SMYD3: variants seen among roughly 807,000 people sequenced by gnomAD.
SMYD3 encodes SET and MYND domain containing 3.
A neutral mutation model predicts 57.7 loss-of-function variants in SMYD3; 36 were observed. The ratio of observed to expected loss-of-function variants is 0.62; its 90% confidence interval spans 0.48 to 0.82. SMYD3 has a LOEUF of 0.82. Ranked by LOEUF, SMYD3 falls within the 40% of genes least tolerant of loss-of-function variation. The pLI, the probability that SMYD3 is intolerant of heterozygous loss-of-function variation, is 0.00. For missense variants in SMYD3, 515 were observed against 538.8 expected (o/e 0.96, Z 0.44); for synonymous variants, 211 against 195.0 (o/e 1.08, Z -0.68).
At chr1:246,352,397 G>A (rs932392186) in intron 2 of SMYD3, among the ~76,000 whole-genome samples, 3 of 152,076 alleles carry the variant, frequency 2.0e-5, no homozygotes, top group South Asian at 4.2e-4. Flanking sequence ...GTGCTTTTGC[G>A]TTCTGTTCAT....
chr1:246,326,166 A>G (rs893595578), intron 5 of SMYD3: 1 of 400,996 alleles, frequency 2.5e-6, no homozygotes, highest in Non-Finnish European at 4.4e-6. Flanking sequence ...ATGCCTTAAA[A>G]TATTAATGGC....
At chr1:245,920,284 G>A (rs565935193) in intron 7 of SMYD3, among the ~76,000 whole-genome samples, 13 of 131,020 alleles carry the variant, frequency 9.9e-5, no homozygotes, top group Non-Finnish European at 2.0e-4. Context: ...CTGCACTCCA[G>A]CCTGGGCGAC....
At chr1:245,864,871 A>G (rs1292056219) in intron 8 of SMYD3, among the ~76,000 whole-genome samples, 5 of 152,202 alleles carry the variant, frequency 3.3e-5, no homozygotes, top group African/African-American at 9.6e-5. Context: ...ATAAAGTACA[A>G]CTACACCCAT....
At chr1:246,085,924 T>C (rs764267044) in intron 5 of SMYD3, among the ~76,000 whole-genome samples, 4 of 151,980 alleles carry the variant, frequency 2.6e-5, no homozygotes, top group African/African-American at 4.8e-5. Context: ...TATTTTTCCT[T>C]GGTGAAACAA....
At chr1:245,963,805 T>C (rs998121769) in intron 5 of SMYD3, among the ~76,000 whole-genome samples, 3 of 152,106 alleles carry the variant, frequency 2.0e-5, no homozygotes, top group Non-Finnish European at 4.4e-5. Context: ...CCAACTCCAG[T>C]CCACTCTAGT....
chr1:246,287,966 G>T (rs898187015), intron 5 of SMYD3, among the ~76,000 whole-genome samples: 1 of 151,170 alleles, frequency 6.6e-6, no homozygotes, highest in African/African-American at 2.4e-5. Flanking sequence ...GCCTTGGAAC[G>T]TTACACGGCC....
At chr1:246,034,793 G>A (rs1043118092) in intron 5 of SMYD3, among the ~76,000 whole-genome samples, 5 of 152,118 alleles carry the variant, frequency 3.3e-5, no homozygotes, top group East Asian at 3.9e-4. Flanking sequence ...CTGGAGGACC[G>A]CGGCAATCCT....
intron 5 of SMYD3, among the ~76,000 whole-genome samples, chr1:246,281,345 T>C (rs2064437119): frequency 6.6e-6 from 1 of 152,342 alleles, no homozygotes; most frequent in South Asian, 2.1e-4. Context: ...CTGCCATTGA[T>C]TGGCAACCTA....
intron 5 of SMYD3, among the ~76,000 whole-genome samples, chr1:246,050,911 T>C (rs1013490702): frequency 6.6e-6 from 1 of 152,154 alleles, no homozygotes; most frequent in Admixed American, 6.5e-5. Context: ...TTGGGACCAA[T>C]AGTAAACTGA....
At chr1:246,360,479 A>G (rs377074327) in intron 1 of SMYD3, among the ~76,000 whole-genome samples, 8 of 152,300 alleles carry the variant, frequency 5.3e-5, no homozygotes, top group African/African-American at 1.9e-4. Context: ...CGGAACCAAA[A>G]AAGAGACCAC....
intron 1 of SMYD3, among the ~76,000 whole-genome samples, chr1:246,412,930 T>C (rs2067001417): frequency 2.0e-5 from 3 of 151,758 alleles, no homozygotes; most frequent in African/African-American, 7.3e-5. Flanking sequence ...TAAATGTTGG[T>C]ATGTACCAGA....
chr1:246,217,980 T>A (rs1374059632), intron 5 of SMYD3, among the ~76,000 whole-genome samples: 1 of 152,116 alleles, frequency 6.6e-6, no homozygotes, highest in Non-Finnish European at 1.5e-5. Context: ...AATACATGAA[T>A]GTTCATGGCA....
At chr1:246,231,306 T>C (rs4347178) in intron 5 of SMYD3, among the ~76,000 whole-genome samples, 23,257 of 152,202 alleles carry the variant, frequency 0.15, 2,372 homozygotes, top group East Asian at 0.34. Context: ...AATAAACGGG[T>C]TGTCCAGAAA....
chr1:246,286,853 A>T (rs1041219540), intron 5 of SMYD3, among the ~76,000 whole-genome samples: 1 of 151,760 alleles, frequency 6.6e-6, no homozygotes, highest in African/African-American at 2.4e-5. Context: ...TATGACCTCA[A>T]GATATAATAA....
intron 10 of SMYD3, among the ~76,000 whole-genome samples, chr1:245,804,240 A>T (rs1012220968): frequency 6.6e-6 from 1 of 151,950 alleles, no homozygotes; most frequent in African/African-American, 2.4e-5. Flanking sequence ...TAAAGCACAT[A>T]CTCATGCATA....
intron 1 of SMYD3, among the ~76,000 whole-genome samples, chr1:246,381,544 A>C (rs2066385933): frequency 6.6e-6 from 1 of 152,220 alleles, no homozygotes; most frequent in Admixed American, 6.5e-5. Context: ...CATACCATGA[A>C]GGAAGACCAA....
chr1:246,146,271 G>A (rs2061840837), intron 5 of SMYD3, among the ~76,000 whole-genome samples: 1 of 152,176 alleles, frequency 6.6e-6, no homozygotes, highest in African/African-American at 2.4e-5. Context: ...AACAGCTTAT[G>A]ACCTTTTCTT....
intron 5 of SMYD3, among the ~76,000 whole-genome samples, chr1:245,955,517 G>A (rs1157064958): frequency 1.3e-5 from 2 of 151,764 alleles, no homozygotes; most frequent in Middle Eastern, 3.2e-3. Flanking sequence ...TCATCCTTTA[G>A]GATCCGGCTT....
intron 7 of SMYD3, among the ~76,000 whole-genome samples, chr1:245,918,514 C>T (rs2055617267): frequency 1.3e-5 from 2 of 152,170 alleles, no homozygotes; most frequent in South Asian, 4.1e-4. Flanking sequence ...TTTTGATTTC[C>T]TCCATGTTTC....
Sources: allele counts gnomAD v4.1 joint callset (sites outside exome capture counted in the v4.1 genomes callset), GRCh38; gene constraint gnomAD v4.1.1; transcripts MANE v1.5; gene names NCBI Gene and HGNC (gene_info 2026-07-23, HGNC 2026-07-21).